Variants in MGAM2 observed in about 807,000 individuals in gnomAD.
The protein encoded by MGAM2 is probable maltase-glucoamylase 2.
MGAM2 carries 98 observed loss-of-function variants against 96.1 expected under a neutral mutation model. The observed-to-expected ratio is 1.02, with a 90% CI of 0.87 to 1.21. The LOEUF is 1.21. Among genes scored for constraint, MGAM2 ranks in the 50% most tolerant of loss-of-function variants. The pLI, the probability that MGAM2 is intolerant of heterozygous loss-of-function variation, is 0.00. For synonymous variants in MGAM2, 749 were observed against 414.8 expected, an observed-to-expected ratio of 1.81 and a Z score of -9.79; for missense variants, 2,055 against 1,182.4, an observed-to-expected ratio of 1.74 and a Z score of -10.82.
At chr7:142,131,420 G>C (rs1794884816) in intron 4 of MGAM2, 98 bp from the exon 5 acceptor site, 1 of 652,544 alleles carries the variant, frequency 1.5e-6, no homozygotes, top group African/African-American at 1.8e-5. Context: ...CTGGGCCACA[G>C]GGCAAGACTC....
At chr7:142,204,687 A>G (rs989313812) in intron 45 of MGAM2, among the ~76,000 whole-genome samples, 1 of 152,142 alleles carries the variant, frequency 6.6e-6, no homozygotes, top group Non-Finnish European at 1.5e-5. Context: ...AAAATGTGTT[A>G]TTAATATGTA....
intron 37 of MGAM2, among the ~76,000 whole-genome samples, chr7:142,191,427 T>C (rs964997785): frequency 6.6e-6 from 1 of 152,236 alleles, no homozygotes; most frequent in Non-Finnish European, 1.5e-5. Context: ...TTTTAGGTAT[T>C]ACACCAAGAT....
intron 3 of MGAM2, among the ~76,000 whole-genome samples, chr7:142,122,527 A>G (rs139401531): frequency 1.3e-5 from 2 of 152,300 alleles, no homozygotes; most frequent in East Asian, 3.9e-4. Flanking sequence ...AGTTATTCCG[A>G]CTTGTACCCC....
At chr7:142,192,616 G>C (rs1444286564) in intron 37 of MGAM2, among the ~76,000 whole-genome samples, 1 of 152,186 alleles carries the variant, frequency 6.6e-6, no homozygotes, top group Non-Finnish European at 1.5e-5. Context: ...TCAGGGCAAA[G>C]AAAGCAGCAA....
chr7:142,185,959 C>T (rs1219527877), intron 34 of MGAM2, 30 bp from the exon 35 acceptor site: 35 of 701,352 alleles, frequency 5.0e-5, no homozygotes, highest in Non-Finnish European at 6.8e-5. Flanking sequence ...GCTGAGACCC[C>T]GACAATGAGA....
intron 46 of MGAM2, among the ~76,000 whole-genome samples, chr7:142,212,783 G>A (rs1406602112): frequency 6.6e-6 from 1 of 152,062 alleles, no homozygotes; most frequent in Non-Finnish European, 1.5e-5. Flanking sequence ...CAACAAGACA[G>A]AAAATTAGCA....
At position 142,170,221 on chromosome 7, in the gene MGAM2, C is replaced by A; in HGVS notation, c.3174C>A (p.Ser1058Arg). Residue 1058 changes from serine to arginine, a missense_variant, in exon 27 of 48, where the codon AGC becomes AGA. By Grantham distance (110) the Ser-to-Arg change is moderately radical (BLOSUM62 -1). Coordinates refer to ENST00000477922, the MANE Select transcript of MGAM2 (RefSeq NM_001293626.2). ...TCCAGATTCAACGCAAAAACTCCAG[C>A]ACTGTGATGTAAGCACTATTTATTT... ...FGIQIQRKNSSTVIWDSQLPG... is the reference protein window; with the variant it reads ...FGIQIQRKNSRTVIWDSQLPG... 1.4e-6 allele frequency: 1 copy of A among 702,416 alleles called. No homozygotes were observed. The highest frequency in any genetic ancestry group is 2.6e-6 in the Non-Finnish European group (1 of 384,682). 43.5% of individuals were successfully genotyped at this position (702,416 alleles called of 1,614,324 possible).
rs1327510384 is a variant in MGAM2, at chr7:142,160,278, A to G, written c.2345+20A>G. Reference sequence around the variant, plus strand: ...AGCCAGGTAAGCTCCTTACTCTTCTAAGGTATGACTATTCTGGTGCTCTAA... The same window carrying G: ...AGCCAGGTAAGCTCCTTACTCTTCTGAGGTATGACTATTCTGGTGCTCTAA... On this transcript the variant is annotated intron_variant, in intron 21 of 47. Transcript: ENST00000477922. 2 of 683,562 alleles carry G rather than the reference A, an allele frequency of 2.9e-6. No individual in the cohort carries two copies. Among genetic ancestry groups the G allele is most frequent in the Non-Finnish European group, 5.3e-6 (2 of 376,934 alleles). The allele number at this position is 683,562 out of a possible 1,614,324, so 42.3% of individuals were successfully genotyped here. A position where few individuals can be genotyped will look rare whatever the true frequency, so the allele number is the denominator to read the frequency against.
At chr7:142,126,634 A>G (rs1018477316) in intron 3 of MGAM2, among the ~76,000 whole-genome samples, 6 of 152,056 alleles carry the variant, frequency 3.9e-5, no homozygotes, top group Non-Finnish European at 1.5e-5. Context: ...TTTCACATTC[A>G]TTGGCTAATA....
chr7:142,147,309 T>A, intron 14 of MGAM2, 147 bp from the exon 15 acceptor site: 1 of 548,532 alleles, frequency 1.8e-6, no homozygotes, highest in Non-Finnish European at 3.2e-6. Flanking sequence ...GAAATAGCAT[T>A]TAGGATAGAA....
At chr7:142,151,648 G>A (rs1795582135) in intron 15 of MGAM2, among the ~76,000 whole-genome samples, 1 of 152,310 alleles carries the variant, frequency 6.6e-6, no homozygotes, top group Middle Eastern at 3.4e-3. Flanking sequence ...GGTTGGAGGA[G>A]GGGAAGAAAG....
At chr7:142,149,764 A>C (rs1433538949) in intron 15 of MGAM2, among the ~76,000 whole-genome samples, 1 of 151,638 alleles carries the variant, frequency 6.6e-6, no homozygotes, top group Admixed American at 6.6e-5. Flanking sequence ...GATGGTCTCC[A>C]TCTCCTGACC....
chr7:142,129,016 G>C (rs539920534), intron 3 of MGAM2, among the ~76,000 whole-genome samples: 45 of 152,362 alleles, frequency 3.0e-4, no homozygotes, highest in African/African-American at 1.0e-3. Context: ...GCAGCCAAGA[G>C]GGGGGCTGTA....
At chr7:142,163,481 C>T (rs568353139) in intron 23 of MGAM2, among the ~76,000 whole-genome samples, 14 of 152,204 alleles carry the variant, frequency 9.2e-5, no homozygotes, top group African/African-American at 2.6e-4. Context: ...GAGGTTTCAC[C>T]GTGTTGGTCA....
At chr7:142,217,450 T>C (rs1159594646) in intron 46 of MGAM2, among the ~76,000 whole-genome samples, 2 of 152,220 alleles carry the variant, frequency 1.3e-5, no homozygotes, top group Admixed American at 6.5e-5. Flanking sequence ...ATAATGATAT[T>C]TTCTTTTCAA....
At position 142,167,426 on chromosome 7, in the gene MGAM2, A is replaced by G. The variant is rs1409698041; in HGVS notation, c.2967A>G (p.Ala989=). ...AAAAASDSLS[A]KISFLHLKVI... ...CTGCCGCCTCTGATTCTCTCTCTGC[A>G]AAGATCAGCTTCCTCCACCTGAAAG... The change falls in exon 26 of 48, where the codon GCA becomes GCG. Residue 989 remains alanine, a synonymous_variant. Coordinates refer to ENST00000477922, the MANE Select transcript of MGAM2 (RefSeq NM_001293626.2). 4 of 702,876 alleles carry G rather than the reference A, an allele frequency of 5.7e-6. No individual in the cohort carries two copies. The highest frequency in any genetic ancestry group is 2.3e-4 in the Middle Eastern group (1 of 4,392). The allele number at this position is 702,876 out of a possible 1,614,324, so 43.5% of individuals were successfully genotyped here.
intron 4 of MGAM2, among the ~76,000 whole-genome samples, chr7:142,131,304 G>A (rs1794880761): frequency 6.6e-6 from 1 of 152,098 alleles, no homozygotes; most frequent in Non-Finnish European, 1.5e-5. Context: ...TGGGTGTGGT[G>A]GCAGCTGCCT....
chr7:142,140,271 C>T (rs2129080230), intron 10 of MGAM2, among the ~76,000 whole-genome samples: 1 of 152,292 alleles, frequency 6.6e-6, no homozygotes, highest in Admixed American at 6.5e-5. Context: ...CACCTGCTCC[C>T]TAGGCTGATA....
chr7:142,157,837 T>A, intron 17 of MGAM2, 100 bp from the exon 18 acceptor site: 1 of 643,712 alleles, frequency 1.6e-6, no homozygotes, highest in South Asian at 1.8e-5. Flanking sequence ...ATTCTCCAAG[T>A]TGGAGGAAGT....
Sources: allele counts gnomAD v4.1 joint callset (sites outside exome capture counted in the v4.1 genomes callset), GRCh38; gene constraint gnomAD v4.1.1; transcripts MANE v1.5; gene names NCBI Gene and HGNC (gene_info 2026-07-23, HGNC 2026-07-21).